KMT2D: variants seen among roughly 807,000 people sequenced by gnomAD.
KMT2D encodes the protein lysine methyltransferase 2D.
Under a neutral mutation model 512.7 loss-of-function variants are expected in KMT2D, and 55 were observed. The observed-to-expected ratio is 0.11, with a 90% CI of 0.09 to 0.13. The LOEUF (loss-of-function observed/expected upper bound fraction) is 0.13. KMT2D is among the 10% of genes least tolerant of loss of function. KMT2D has a pLI of 1.00. For synonymous variants in KMT2D, 2,995 were observed against 2,904.0 expected (o/e 1.03, Z -1.01); for missense variants, 6,061 against 7,127.9 (o/e 0.85, Z 5.39).
Position 49,032,001 on chromosome 12 carries a change from T to G in KMT2D, c.12704A>C (p.Gln4235Pro). 6.2e-7 allele frequency: 1 copy of G among 1,602,298 alleles called. No homozygotes were observed. Among genetic ancestry groups the G allele is most frequent in the Non-Finnish European group, 8.5e-7 (1 of 1,172,700 alleles). The change falls in exon 40 of 55, where the codon CAG becomes CCG. Residue 4235 changes from glutamine to proline, a missense_variant. Transcript: ENST00000301067. ...LLMQRQLQQS[Q>P]AVRQTPPYQE... is the part of the protein sequence containing the mutation. ...GTAGGGTGGGGTCTGGCGTACTGCC[T>G]GACTCTGCTGCAGCTGCCGCTGCAT...
In KMT2D at chr12:49,051,157, C is replaced by T. The variant is rs2120664280; in HGVS notation, c.2526G>A (p.Leu842=). The T allele has an allele frequency of 6.6e-7, 1 of 1,516,004 alleles. No individual in the cohort carries two copies. Among genetic ancestry groups the T allele is most frequent in the Non-Finnish European group, 8.8e-7 (1 of 1,130,336 alleles). The allele number at this position is 1,516,004 out of a possible 1,614,324, so 93.9% of individuals were successfully genotyped here. A position where few individuals can be genotyped will look rare whatever the true frequency, so the allele number is the denominator to read the frequency against. Reference sequence around the variant, plus strand: ...GATGCGATTCCTCAGGCCGGGGGGACAGGCATGGCTCCTCAGACTGGGGGG... The same window carrying T: ...GATGCGATTCCTCAGGCCGGGGGGATAGGCATGGCTCCTCAGACTGGGGGG... ...HLSPQSEEPC[L]SPRPEESHLS... is the part of the protein sequence containing the mutation. Residue 842 remains leucine (L), a synonymous_variant, in exon 11 of 55, where the codon CTG becomes CTA. Transcript: ENST00000301067.
chr12:49,039,759 C>A lies in KMT2D; in HGVS notation c.8011G>T (p.Gly2671Cys), dbSNP rs762567167. The A allele has an allele frequency of 6.2e-7, 1 of 1,613,714 alleles. No homozygotes were observed. Among genetic ancestry groups the A allele is most frequent in the Non-Finnish European group, 8.5e-7 (1 of 1,179,854 alleles). ...LPGTQDPGMS[G>C]LSQTELEKQR... is the part of the protein sequence containing the mutation. ...TTCTCCAGCTCTGTTTGGCTAAGGC[C>A]GGACATGCCTGGGTCCTGGGTACCT... The change falls in exon 32 of 55, where the codon GGC (glycine) becomes TGC (cysteine). Residue 2671 changes from glycine to cysteine, a missense_variant. Physicochemically the swap from Gly to Cys is radical, Grantham distance 159 (BLOSUM62 -3). Transcript: ENST00000301067. This position sits in a 1 kb window ranked among gnomAD's most constrained non-coding sequence, Gnocchi z 5.0.
At position 49,029,190 on chromosome 12, in the gene KMT2D, C is replaced by T. The variant is rs757056270; in HGVS notation, c.14122G>A (p.Ala4708Thr). 4.3e-6 allele frequency: 7 copies of T among 1,613,964 alleles called. No homozygotes were observed. Among genetic ancestry groups the T allele is most frequent in the Non-Finnish European group, 5.9e-6 (7 of 1,179,836 alleles). ...CCCAAGATGCTCTCAGGGGATGAAG[C>T]TGGCACAATGCTGTCAGGAGAATCG... Reference protein sequence around the residue: ...DSDSPDSIVPASSPESILGEE... With the variant: ...DSDSPDSIVPTSSPESILGEE... The change falls in exon 45 of 55, where the codon GCT (alanine) becomes ACT (threonine). Residue 4708 changes from alanine (A) to threonine (T), a missense_variant. Transcript: ENST00000301067.
rs867791593 is a variant in KMT2D at position 49,037,436 on chromosome 12, G to A, written c.9920C>T (p.Ala3307Val). The A allele has an allele frequency of 6.3e-7, 1 of 1,588,436 alleles. No individual in the cohort carries two copies. Among genetic ancestry groups the A allele is most frequent in the Non-Finnish European group, 8.6e-7 (1 of 1,167,540 alleles). Reference protein sequence around the residue: ...LPHEGSSPSLAGSQQQLSLGL... With the variant: ...LPHEGSSPSLVGSQQQLSLGL... ...CAGGGAAAGCTGCTGTTGGGACCCA[G>A]CCAAACTGGGAGAAGAGCCCTCATG... is the stretch of plus-strand genomic sequence containing the variant. The change falls in exon 35 of 55, where the codon GCT (alanine) becomes GTT (valine). Residue 3307 changes from alanine to valine, a missense_variant. By Grantham distance (64) the Ala-to-Val change is moderately conservative. Around this residue, in one of 16 missense-constraint regions of KMT2D, gnomAD observed 533 missense variants for 539.6 expected, o/e 0.99. Coordinates refer to ENST00000301067, the MANE Select transcript of KMT2D (RefSeq NM_003482.4).
rs1555187827 is a variant in KMT2D at position 49,031,831 on chromosome 12, G to A, written c.12874C>T (p.Pro4292Ser). 1.9e-6 allele frequency: 3 copies of A among 1,559,076 alleles called. No individual in the cohort carries two copies. The highest frequency in any genetic ancestry group is 2.6e-6 in the Non-Finnish European group (3 of 1,152,078). Residue 4292 changes from proline (P) to serine (S), a missense_variant, in exon 40 of 55, where the codon CCA becomes TCA. Coordinates refer to ENST00000301067, the MANE Select transcript of KMT2D (RefSeq NM_003482.4). Reference sequence around the variant, plus strand: ...GGTCCTGTAGATAAGGCTCCTGGTGGGGCAGGGAGCCGGGGTGGGCCCTGA... The same window carrying A: ...GGTCCTGTAGATAAGGCTCCTGGTGAGGCAGGGAGCCGGGGTGGGCCCTGA... ...RPQGPPRLPA[P>S]PGALSTGPVL... is the part of the protein sequence containing the mutation.
intron 35 of KMT2D, among the ~76,000 whole-genome samples, chr12:49,036,519 G>A (rs1264399570): frequency 3.6e-5 from 4 of 111,106 alleles, no homozygotes; most frequent in South Asian, 2.9e-4. Flanking sequence ...ATGGAGTTTC[G>A]CTCTTGTTGC....
chr12:49,026,963 C>G lies in KMT2D; in HGVS notation c.15003G>C (p.Gly5001=), dbSNP rs2120365371. 1 of 1,614,044 alleles carries G rather than the reference C, an allele frequency of 6.2e-7. No homozygotes were observed. The highest frequency in any genetic ancestry group is 8.5e-7 in the Non-Finnish European group (1 of 1,179,904). Residue 5001 remains glycine (G), a synonymous_variant, in exon 49 of 55, where the codon GGG becomes GGC. Coordinates refer to ENST00000301067, the MANE Select transcript of KMT2D (RefSeq NM_003482.4). This position sits in a 1 kb window ranked among gnomAD's most constrained non-coding sequence, Gnocchi z 9.6. Reference sequence around the variant, plus strand: ...CCACTTCCCGCTCATCCTCCTGCCGCCCACTGCCCTTCTGGATGGTCAGCA... The same window carrying G: ...CCACTTCCCGCTCATCCTCCTGCCGGCCACTGCCCTTCTGGATGGTCAGCA... ...RLLLTIQKGS[G]RQEDEREVAE...
rs961105534 is a variant in KMT2D, at chr12:49,019,183, G to C, written c.*2597C>G. 2 of 1,101,118 alleles carry C rather than the reference G, an allele frequency of 1.8e-6. No individual in the cohort carries two copies. Among genetic ancestry groups the C allele is most frequent in the Non-Finnish European group, 2.2e-6 (2 of 894,294 alleles). 68.2% of individuals were successfully genotyped at this position (1,101,118 alleles called of 1,614,324 possible). A position where few individuals can be genotyped will look rare whatever the true frequency, so the allele number is the denominator to read the frequency against. ...AACCATTTCATCCGTTGTTACGAAG[G>C]ACCAACCTTGCTGTACAGGATACAC... is the stretch of plus-strand genomic sequence containing the variant. On this transcript the variant is annotated 3_prime_UTR_variant, in exon 55 of 55. Transcript: ENST00000301067.
Position 49,052,223 on chromosome 12 carries a change from C to T in KMT2D, c.1460G>A (p.Arg487Gln), listed in dbSNP as rs778182231. The T allele has an allele frequency of 7.5e-6, 12 of 1,596,272 alleles. No individual in the cohort carries two copies. The highest frequency in any genetic ancestry group is 1.1e-5 in the South Asian group (1 of 88,706). The change falls in exon 11 of 55, where the codon CGG becomes CAG. Residue 487 changes from arginine (R) to glutamine (Q), a missense_variant. Physicochemically the swap from Arg to Gln is conservative, Grantham distance 43. This residue lies in a region of KMT2D where 848 missense variants were observed against 838.5 expected (regional missense o/e 1.01). Coordinates refer to ENST00000301067, the MANE Select transcript of KMT2D (RefSeq NM_003482.4). ...AGAGAGGGGCGATTCCTCCAGCGGC[C>T]GGGACAGGTGCAATGCCTCAGGAAG... ...SPLPEALHLS[R>Q]PLEESPLSPP...
At position 49,024,453 on chromosome 12, in the gene KMT2D, C is replaced by G. The variant is rs979133643; in HGVS notation, c.16052+125G>C. Reference sequence around the variant, plus strand: ...CCTGCATGCCCTCTAATTAGGAAGTCTAAGAGTGATTCCCCATTTTCTCCA... The same window carrying G: ...CCTGCATGCCCTCTAATTAGGAAGTGTAAGAGTGATTCCCCATTTTCTCCA... On this transcript the variant is annotated intron_variant, in intron 51 of 54. Transcript: ENST00000301067. This position sits in a 1 kb window ranked among gnomAD's most constrained non-coding sequence, Gnocchi z 4.5. 3.9e-6 allele frequency: 5 copies of G among 1,290,278 alleles called. No homozygotes were observed. In the African/African-American group the frequency reaches 6.0e-5, roughly 15 times the overall value. The allele number at this position is 1,290,278 out of a possible 1,614,324, so 79.9% of individuals were successfully genotyped here.
rs1252002461 is a variant in KMT2D, at chr12:49,022,298, A to G, written c.16394T>C (p.Leu5465Ser). 6.2e-7 allele frequency: 1 copy of G among 1,608,136 alleles called. No individual in the cohort carries two copies. Residue 5465 changes from leucine (L) to serine (S), a missense_variant, in exon 53 of 55, where the codon TTG (leucine) becomes TCG (serine). Around this residue, in one of 16 missense-constraint regions of KMT2D, gnomAD observed 44 missense variants for 194.7 expected, o/e 0.23. Transcript: ENST00000301067. The surrounding 1 kb of genome is among the most constrained non-coding windows in gnomAD (Gnocchi z 8.6). ...CTCTCACCTGGCAGGGCCGCCGGTC[A>G]ACGTAGCATCAATCACATGTTCATT... ...INNEHVIDAT[L>S]TGGPARYINH...
Position 49,027,746 on chromosome 12 carries a change from G to T in KMT2D, c.14643+57C>A, listed in dbSNP as rs191006704. ...TGGGATTACAGATGTGAGCCACCGC[G>T]CCTGGCCGGCAGCCCCTTTTTTCTA... On this transcript the variant is annotated intron_variant, in intron 48 of 54. Transcript: ENST00000301067. The T allele has an allele frequency of 2.6e-6, 4 of 1,548,752 alleles. No homozygotes were observed. In the African/African-American group the frequency reaches 5.5e-5, roughly 21 times the overall value.
rs1408338863 is a variant in KMT2D at position 49,041,756 on chromosome 12, C to A, written c.6184-51G>T. 6.4e-7 allele frequency: 1 copy of A among 1,568,936 alleles called. No individual in the cohort carries two copies. Among genetic ancestry groups the A allele is most frequent in the East Asian group, 2.3e-5 (1 of 43,014 alleles). On this transcript the variant is annotated intron_variant, in intron 30 of 54. Coordinates refer to ENST00000301067, the MANE Select transcript of KMT2D (RefSeq NM_003482.4). This position sits in a 1 kb window ranked among gnomAD's most constrained non-coding sequence, Gnocchi z 5.4. ...GGGCCTAGTGCTTGGTCTCATGCCC[C>A]GCCCCCATACTGTAGTGTTTTCACA...
rs2120625617 is a variant in KMT2D at position 49,048,719 on chromosome 12, A to T, written c.4071T>A (p.Asp1357Glu). The T allele has an allele frequency of 1.2e-6, 2 of 1,613,360 alleles. No homozygotes were observed. Among genetic ancestry groups the T allele is most frequent in the Non-Finnish European group, 1.7e-6 (2 of 1,179,428 alleles). Residue 1357 changes from aspartate to glutamate, a missense_variant, in exon 14 of 55, where the codon GAT (aspartate) becomes GAA (glutamate). Asp to Glu is a conservative substitution (Grantham distance 45). Transcript: ENST00000301067. ...GAACCACGGTATTCTGCATGGTGTC[A>T]TCATCTTCTTCCTCCTCCTCCTTAC... ...SPSKEEEEED[D>E]DTMQNTVVLF...
In KMT2D at chr12:49,053,299, T is replaced by C. The variant is rs749467510; in HGVS notation, c.862A>G (p.Met288Val). Residue 288 changes from methionine (M) to valine (V), a missense_variant, in exon 8 of 55, where the codon ATG becomes GTG. Physicochemically the swap from Met to Val is conservative, Grantham distance 21. Around this residue, in one of 16 missense-constraint regions of KMT2D, gnomAD observed 160 missense variants for 225.8 expected, o/e 0.71. Transcript: ENST00000301067. ...TTGTCACACGTCTCACAAACCAACA[T>C]CTTAGAGTCATTCCCAGGTTTCCTG... ...ACRKPGNDSK[M>V]LVCETCDKGY... 1 of 1,613,812 alleles carries C rather than the reference T, an allele frequency of 6.2e-7. No individual in the cohort carries two copies. Among genetic ancestry groups the C allele is most frequent in the Non-Finnish European group, 8.5e-7 (1 of 1,179,842 alleles).
chr12:49,023,918 C>A, intron 51 of KMT2D: 1 of 361,042 alleles, frequency 2.8e-6, no homozygotes, highest in Non-Finnish European at 5.4e-6. Flanking sequence ...CCCTGGTACA[C>A]AGAAAGAACA....
In KMT2D at chr12:49,042,715, C is replaced by T. The variant is rs751130150; in HGVS notation, c.5782+26G>A. ...TGGAGGCAAGCTTGGTTATGTCAGT[C>T]TTCAGACCACTCCCACCTGTATTAC... On this transcript the variant is annotated intron_variant, in intron 27 of 54. Coordinates refer to ENST00000301067, the MANE Select transcript of KMT2D (RefSeq NM_003482.4). The surrounding 1 kb of genome is among the most constrained non-coding windows in gnomAD (Gnocchi z 4.4). 4 of 1,610,408 alleles carry T rather than the reference C, an allele frequency of 2.5e-6. No individual in the cohort carries two copies. Among genetic ancestry groups the T allele is most frequent in the Non-Finnish European group, 2.5e-6 (3 of 1,177,478 alleles).
intron 19 of KMT2D, 67 bp downstream of exon 19, chr12:49,045,853 T>G (rs994465358): frequency 1.2e-5 from 16 of 1,291,284 alleles, no homozygotes; most frequent in Non-Finnish European, 1.7e-5. Flanking sequence ...AGCTAGGGGG[T>G]TGGAGCTAGA....
chr12:49,044,198 A>C lies in KMT2D; in HGVS notation c.5188+2T>G, dbSNP rs1592142593. On this transcript the variant is annotated splice_donor_variant, in intron 22 of 54. Coordinates refer to ENST00000301067, the MANE Select transcript of KMT2D (RefSeq NM_003482.4). LOFTEE classifies it high-confidence loss of function. This position sits in a 1 kb window ranked among gnomAD's most constrained non-coding sequence, Gnocchi z 6.4. ...CCCCACTGGTGCCCTCACCCGTCTC[A>C]CCCTCGTCGGGCTGCCCATCCCCAC... 6.2e-7 allele frequency: 1 copy of C among 1,610,546 alleles called. No homozygotes were observed. Among genetic ancestry groups the C allele is most frequent in the Non-Finnish European group, 8.5e-7 (1 of 1,179,366 alleles).
Sources: gnomAD v4.1 joint callset for allele counts (sites outside exome capture counted in the v4.1 genomes callset) on GRCh38, gnomAD v4.1.1 for gene constraint, gnomAD v4.1.1 regional missense constraint, Gnocchi (gnomAD v3.1) non-coding constraint, MANE v1.5 for transcripts, NCBI Gene and HGNC (gene_info 2026-07-23, HGNC 2026-07-21) for gene names.